FYN: variants seen among roughly 807,000 people sequenced by gnomAD.
FYN encodes the protein tyrosine-protein kinase Fyn.
FYN carries 10 observed loss-of-function variants against 70.2 expected under a neutral mutation model. The ratio of observed to expected loss-of-function variants is 0.14; its 90% CI spans 0.09 to 0.24. FYN has a LOEUF of 0.24. FYN is among the 10% of genes least tolerant of loss of function. FYN has a pLI of 1.00. For missense variants in FYN, 319 were observed against 673.1 expected (o/e 0.47, Z 5.82); for synonymous variants, 236 against 248.6 (o/e 0.95, Z 0.48).
At chr6:111,677,972 T>G (rs937396115) in intron 12 of FYN, among the ~76,000 whole-genome samples, 5 of 152,198 alleles carry the variant, frequency 3.3e-5, no homozygotes, top group Non-Finnish European at 7.3e-5. Context: ...TATCTTGAGC[T>G]TCACTGTAAC....
intron 9 of FYN, among the ~76,000 whole-genome samples, chr6:111,698,330 T>C (rs1307852263): frequency 6.6e-6 from 1 of 152,104 alleles, no homozygotes; most frequent in Admixed American, 6.5e-5. Context: ...GCAGGGTTTC[T>C]CCATGCTGGT....
chr6:111,673,622 G>GTTTTTTTTTTGTTTTTTTTTTTTT (rs1798399874), intron 13 of FYN, among the ~76,000 whole-genome samples: 1 of 116,558 alleles, frequency 8.6e-6, no homozygotes, highest in African/African-American at 3.2e-5. Flanking sequence ...TTCTATCATT[G>GTTTTTTTTTTGTTTTTTTTTTTTT]TTTTTTTTTT....
chr6:111,752,937 AAT>A (rs899173063), intron 3 of FYN, among the ~76,000 whole-genome samples: 10 of 152,164 alleles, frequency 6.6e-5, no homozygotes, highest in Non-Finnish European at 1.5e-4. Context: ...ACTTATCTCT[AAT>A]ATTCAAGCTT....
At chr6:111,778,992 C>T (rs959007507) in intron 3 of FYN, among the ~76,000 whole-genome samples, 11 of 152,158 alleles carry the variant, frequency 7.2e-5, no homozygotes, top group Middle Eastern at 3.4e-3. Context: ...CAACTATATA[C>T]CCCCTCCTCA....
chr6:111,847,857 G>C (rs1375526514), intron 1 of FYN, among the ~76,000 whole-genome samples: 1 of 152,200 alleles, frequency 6.6e-6, no homozygotes, highest in Non-Finnish European at 1.5e-5. Context: ...ATGAGCAAGA[G>C]AACCACCATG....
intron 3 of FYN, among the ~76,000 whole-genome samples, chr6:111,763,441 C>T (rs1042356244): frequency 1.3e-5 from 2 of 152,186 alleles, no homozygotes; most frequent in Non-Finnish European, 2.9e-5. Context: ...CAAAATTCAA[C>T]CAAGTCTCAA....
chr6:111,856,107 A>G (rs1773817111), intron 1 of FYN, among the ~76,000 whole-genome samples: 1 of 152,218 alleles, frequency 6.6e-6, no homozygotes, highest in Non-Finnish European at 1.5e-5. Flanking sequence ...TAATTTCATA[A>G]GTTTTGTCTT....
intron 3 of FYN, among the ~76,000 whole-genome samples, chr6:111,750,985 G>GA (rs1359024827): frequency 5.9e-5 from 9 of 151,932 alleles, no homozygotes; most frequent in Non-Finnish European, 1.3e-4. Context: ...CTTGAAAATG[G>GA]AAAAAATGAC....
intron 5 of FYN, among the ~76,000 whole-genome samples, chr6:111,713,497 C>T (rs1225731787): frequency 6.6e-6 from 1 of 152,110 alleles, no homozygotes; most frequent in African/African-American, 2.4e-5. Flanking sequence ...ACCGGGAGCA[C>T]TCATAGGGAC....
intron 1 of FYN, among the ~76,000 whole-genome samples, chr6:111,854,547 T>C (rs977596589): frequency 2.0e-5 from 3 of 152,208 alleles, no homozygotes; most frequent in Admixed American, 1.3e-4. Flanking sequence ...CAGAAAGTTA[T>C]AGGTTAGGCA....
intron 3 of FYN, among the ~76,000 whole-genome samples, chr6:111,772,532 G>A (rs1455305315): frequency 6.6e-6 from 1 of 152,194 alleles, no homozygotes; most frequent in African/African-American, 2.4e-5. Flanking sequence ...ACCTAGCACT[G>A]AGGATGGTGG....
chr6:111,833,034 T>C (rs1384366420), intron 2 of FYN, among the ~76,000 whole-genome samples: 1 of 152,224 alleles, frequency 6.6e-6, no homozygotes. Context: ...CTTACTAAAA[T>C]CTAGATATGA....
chr6:111,776,283 C>T (rs1255255735), intron 3 of FYN, among the ~76,000 whole-genome samples: 1 of 152,146 alleles, frequency 6.6e-6, no homozygotes, highest in Admixed American at 6.5e-5. Context: ...AGGGGCAGTG[C>T]TGGCTGGGAC....
chr6:111,765,647 A>AT (rs1339230085), intron 3 of FYN, among the ~76,000 whole-genome samples: 5 of 152,162 alleles, frequency 3.3e-5, no homozygotes, highest in Non-Finnish European at 7.3e-5. Context: ...CACTTCAGTT[A>AT]TTTTTAAGCA....
At chr6:111,746,151 T>C (rs926636642) in intron 3 of FYN, among the ~76,000 whole-genome samples, 1 of 152,372 alleles carries the variant, frequency 6.6e-6, no homozygotes, top group South Asian at 2.1e-4. Context: ...GTGGATTTTT[T>C]AGTTCCCTCT....
chr6:111,733,759 A>G (rs1279887548), intron 3 of FYN, among the ~76,000 whole-genome samples: 1 of 152,172 alleles, frequency 6.6e-6, no homozygotes, highest in Non-Finnish European at 1.5e-5. Flanking sequence ...GTCACTCTGA[A>G]GTTCTGAAGT....
At chr6:111,826,725 T>G (rs989422431) in intron 2 of FYN, among the ~76,000 whole-genome samples, 2 of 152,230 alleles carry the variant, frequency 1.3e-5, no homozygotes, top group Non-Finnish European at 2.9e-5. Flanking sequence ...CAGAATTTAC[T>G]CATGTATTAA....
Position 111,694,687 on chromosome 6 carries a change from A to T in FYN, c.1060T>A (p.Leu354Ile), listed in dbSNP as rs768772210. Residue 354 changes from leucine (L) to isoleucine (I), a missense_variant, in exon 11 of 14, where the codon TTA becomes ATA. By Grantham distance (5) the Leu-to-Ile change is conservative. Around this residue, in one of 4 missense-constraint regions of FYN, gnomAD observed 15 missense variants for 16.0 expected, o/e 0.94. Coordinates refer to ENST00000354650, the MANE Select transcript of FYN (RefSeq NM_002037.5). This position sits in a 1 kb window ranked among gnomAD's most constrained non-coding sequence, Gnocchi z 5.0. ...AGAGCTCTTCCTTCTCCATCTTTTA[A>T]GAAATCCAGTAAACTTCCTATGAAC... Reference protein sequence around the residue: ...YMNKGSLLDFLKDGEGRALKL... With the variant: ...YMNKGSLLDFIKDGEGRALKL... The T allele has an allele frequency of 2.5e-6, 4 of 1,613,702 alleles. No individual in the cohort carries two copies. Among genetic ancestry groups the T allele is most frequent in the Non-Finnish European group, 3.4e-6 (4 of 1,179,844 alleles).
chr6:111,743,994 T>C (rs1802097091), intron 3 of FYN, among the ~76,000 whole-genome samples: 1 of 152,218 alleles, frequency 6.6e-6, no homozygotes, highest in Admixed American at 6.5e-5. Context: ...GCTTCTGACT[T>C]AGGCATCTCA....
Sources: allele counts gnomAD v4.1 joint callset (sites outside exome capture counted in the v4.1 genomes callset), GRCh38; gene constraint gnomAD v4.1.1; regional missense constraint gnomAD v4.1.1; non-coding constraint Gnocchi (gnomAD v3.1); transcripts MANE v1.5; gene names NCBI Gene and HGNC (gene_info 2026-07-23, HGNC 2026-07-21).